The following ARHGEF38 variants were observed in gnomAD, a reference collection of about 807,000 sequenced individuals.
ARHGEF38 encodes the protein Rho guanine nucleotide exchange factor (GEF) 38.
Under a neutral mutation model 79.9 loss-of-function variants are expected in ARHGEF38, and 79 were observed. That is an observed-to-expected ratio of 0.99 (90% CI 0.82 to 1.19). The LOEUF is 1.19. ARHGEF38 is among the 50% of genes most tolerant of loss of function. ARHGEF38 has a pLI of 0.00. For missense variants in ARHGEF38, 962 were observed against 907.2 expected (o/e 1.06, Z -0.78); for synonymous variants, 366 against 328.3 (o/e 1.11, Z -1.24).
At chr4:105,566,857 G>C (rs948667356) in intron 1 of ARHGEF38, among the ~76,000 whole-genome samples, 1 of 151,480 alleles carries the variant, frequency 6.6e-6, no homozygotes, top group Non-Finnish European at 1.5e-5. Flanking sequence ...AGGTTCAAGC[G>C]ATTCTCCTGC....
intron 3 of ARHGEF38, among the ~76,000 whole-genome samples, chr4:105,614,242 T>C (rs1271339220): frequency 3.3e-5 from 5 of 152,160 alleles, no homozygotes; most frequent in Non-Finnish European, 7.4e-5. Context: ...TTTTTAAAAT[T>C]ATCGTTTCTC....
intron 2 of ARHGEF38, among the ~76,000 whole-genome samples, chr4:105,597,685 A>G (rs1727642047): frequency 6.6e-6 from 1 of 152,184 alleles, no homozygotes; most frequent in Non-Finnish European, 1.5e-5. Flanking sequence ...TATGCAAACA[A>G]TTGCCTTATG....
intron 2 of ARHGEF38, 146 bp from the exon 3 acceptor site, chr4:105,613,238 C>A: frequency 4.7e-6 from 5 of 1,053,766 alleles, no homozygotes; most frequent in Non-Finnish European, 6.4e-6. Flanking sequence ...AAAAAAACTG[C>A]ACTCTAGAAT....
chr4:105,626,980 C>T (rs1728974703), intron 3 of ARHGEF38, among the ~76,000 whole-genome samples: 2 of 151,990 alleles, frequency 1.3e-5, no homozygotes, highest in Non-Finnish European at 2.9e-5. Context: ...GTCAAAAGTA[C>T]ACTGTTATGA....
chr4:105,593,483 A>G lies in ARHGEF38; in HGVS notation c.384+4048A>G, dbSNP rs536490926. On this transcript the variant is annotated intron_variant, in intron 2 of 13. Transcript: ENST00000420470. The stretch of plus-strand genomic sequence containing the variant: ...AGCCCAGGAGGTTGAGGCTGCAGTG[A>G]GCCATGATCACGCCACTGTACTGCA... Among the ~76,000 whole-genome samples, 16 of 152,318 alleles carry G rather than the reference A, an allele frequency of 1.1e-4. 1 individual carries two copies. The highest frequency in any genetic ancestry group is 3.8e-4 in the African/African-American group (16 of 41,574).
chr4:105,574,993 CACACAT>C (rs907360588), intron 1 of ARHGEF38, among the ~76,000 whole-genome samples: 2 of 81,008 alleles, frequency 2.5e-5, no homozygotes, highest in South Asian at 7.4e-4. Context: ...TATATATGTA[CACACAT>C]ACACACACAT....
At chr4:105,631,820 A>C in intron 4 of ARHGEF38, 3 of 426,356 alleles carry the variant, frequency 7.0e-6, no homozygotes, top group Non-Finnish European at 9.4e-6. Context: ...ATGAAGCTTA[A>C]AGCCAAAATC....
intron 1 of ARHGEF38, among the ~76,000 whole-genome samples, chr4:105,567,971 C>T (rs1025977587): frequency 2.1e-5 from 3 of 140,170 alleles, no homozygotes; most frequent in African/African-American, 7.9e-5. Context: ...TGTGATGTTC[C>T]CCTTCCTGTG....
chr4:105,654,233 A>G (rs989032872), intron 8 of ARHGEF38, 64 bp downstream of exon 8: 2 of 996,290 alleles, frequency 2.0e-6, no homozygotes, highest in African/African-American at 3.2e-5. Context: ...ATTGATTTCC[A>G]TGGTTGTTTT....
intron 1 of ARHGEF38, among the ~76,000 whole-genome samples, chr4:105,586,146 T>A (rs1457111414): frequency 6.6e-6 from 1 of 151,866 alleles, no homozygotes; most frequent in Non-Finnish European, 1.5e-5. Flanking sequence ...AAGCTAAGTA[T>A]AACTAAAAGA....
intron 1 of ARHGEF38, among the ~76,000 whole-genome samples, chr4:105,588,370 C>T (rs916278250): frequency 6.6e-6 from 1 of 152,198 alleles, no homozygotes; most frequent in African/African-American, 2.4e-5. Context: ...AAGCTTGAAG[C>T]AAATCCATTT....
At chr4:105,624,678 G>A (rs1216333955) in intron 3 of ARHGEF38, among the ~76,000 whole-genome samples, 3 of 152,212 alleles carry the variant, frequency 2.0e-5, no homozygotes, top group Non-Finnish European at 4.4e-5. Flanking sequence ...AGAACAGAAT[G>A]AGGCTAGGAA....
chr4:105,655,873 A>T (rs1269094189), intron 9 of ARHGEF38, among the ~76,000 whole-genome samples, 151 bp downstream of exon 9: 3 of 152,220 alleles, frequency 2.0e-5, no homozygotes, highest in Non-Finnish European at 4.4e-5. Flanking sequence ...GGATTTTTTT[A>T]AATCATTTAA....
intron 2 of ARHGEF38, among the ~76,000 whole-genome samples, chr4:105,592,762 T>A (rs1379972428): frequency 6.6e-6 from 1 of 152,164 alleles, no homozygotes; most frequent in Non-Finnish European, 1.5e-5. Flanking sequence ...TATGCCCTTT[T>A]CCATCATTTC....
chr4:105,576,839 A>C (rs1578270867), intron 1 of ARHGEF38, among the ~76,000 whole-genome samples: 1 of 152,032 alleles, frequency 6.6e-6, no homozygotes, highest in Admixed American at 6.6e-5. Flanking sequence ...GCTGAATTTT[A>C]TTGAGTGCTT....
chr4:105,584,906 G>T (rs1393167195), intron 1 of ARHGEF38, among the ~76,000 whole-genome samples: 4 of 152,104 alleles, frequency 2.6e-5, no homozygotes, highest in African/African-American at 9.7e-5. Flanking sequence ...GGGTGCTGTT[G>T]CACTTCTCTA....
rs1560684341 is a variant in ARHGEF38 at position 105,561,429 on chromosome 4, AGAATAGAATAGAATAGAATG to A, written c.196+8488_196+8507del. Among the ~76,000 whole-genome samples, 115 of 47,084 alleles carry A rather than the reference AGAATAGAATAGAATAGAATG, an allele frequency of 2.4e-3. 2 individuals are homozygous for A. The highest frequency in any genetic ancestry group is 9.4e-3 in the East Asian group (18 of 1,914). 30.9% of individuals were successfully genotyped at this position (47,084 alleles called of 152,430 possible). A position where few individuals can be genotyped will look rare whatever the true frequency, so the allele number is the denominator to read the frequency against. On this transcript the variant is annotated intron_variant, in intron 1 of 13. Transcript: ENST00000420470. ...AGAATAGAATAGAATAGAATGGAAT[AGAATAGAATAGAATAGAATG>A]GAATAGAATAGAATAGAATAGAATA... is the stretch of plus-strand genomic sequence containing the variant.
chr4:105,563,148 G>A (rs999024908), intron 1 of ARHGEF38, among the ~76,000 whole-genome samples: 1 of 152,118 alleles, frequency 6.6e-6, no homozygotes, highest in African/African-American at 2.4e-5. Context: ...TAAGGGGAAC[G>A]GGTGCTAACA....
intron 4 of ARHGEF38, among the ~76,000 whole-genome samples, chr4:105,634,691 T>C (rs1186045477): frequency 6.7e-6 from 1 of 150,108 alleles, no homozygotes; most frequent in African/African-American, 2.5e-5. Flanking sequence ...TCTGTTTATT[T>C]TGTAATAGAA....
Sources: gnomAD v4.1 joint callset for allele counts (sites outside exome capture counted in the v4.1 genomes callset) on GRCh38, gnomAD v4.1.1 for gene constraint, MANE v1.5 for transcripts, NCBI Gene and HGNC (gene_info 2026-07-23, HGNC 2026-07-21) for gene names.